The following GFRA1 variants were observed in gnomAD, a reference collection of about 807,000 sequenced individuals.
The protein encoded by GFRA1 is GDNF family receptor alpha-1.
A neutral mutation model predicts 51.6 loss-of-function variants in GFRA1; 16 were observed. The observed-to-expected ratio is 0.31, with a 90% CI of 0.21 to 0.47. The LOEUF (loss-of-function observed/expected upper bound fraction) is 0.47. Ranked by LOEUF, GFRA1 falls within the 20% of genes least tolerant of loss-of-function variation. The pLI is 1.00. For synonymous variants in GFRA1, 270 were observed against 241.3 expected, an observed-to-expected ratio of 1.12 and a Z score of -1.10; for missense variants, 530 against 594.3, an observed-to-expected ratio of 0.89 and a Z score of 1.13.
At chr10:116,091,688 G>A (rs926678152) in intron 8 of GFRA1, among the ~76,000 whole-genome samples, 2 of 152,162 alleles carry the variant, frequency 1.3e-5, no homozygotes, top group Non-Finnish European at 2.9e-5. Flanking sequence ...TAATCTGAAC[G>A]GAGCAGAATT....
At chr10:116,144,805 TATA>T (rs1958724398) in intron 5 of GFRA1, among the ~76,000 whole-genome samples, 2 of 152,122 alleles carry the variant, frequency 1.3e-5, no homozygotes, top group African/African-American at 4.8e-5. Context: ...AAACAAGACA[TATA>T]ATACCTCCAC....
chr10:116,183,423 G>C (rs1012066685), intron 5 of GFRA1, among the ~76,000 whole-genome samples: 1 of 152,132 alleles, frequency 6.6e-6, no homozygotes, highest in African/African-American at 2.4e-5. Flanking sequence ...CCATTCCATG[G>C]GGAATCTCAG....
intron 4 of GFRA1, among the ~76,000 whole-genome samples, chr10:116,216,057 C>T (rs1965540309): frequency 6.6e-6 from 1 of 152,080 alleles, no homozygotes; most frequent in African/African-American, 2.4e-5. Context: ...GATATTTGCC[C>T]CTTCCCCCAC....
At chr10:116,080,521 G>A (rs1378395098) in intron 9 of GFRA1, among the ~76,000 whole-genome samples, 1 of 152,150 alleles carries the variant, frequency 6.6e-6, no homozygotes, top group Non-Finnish European at 1.5e-5. Context: ...AATAAAAGAA[G>A]TTTCACGGTG....
intron 5 of GFRA1, among the ~76,000 whole-genome samples, chr10:116,128,190 A>G (rs942949656): frequency 6.6e-6 from 1 of 152,206 alleles, no homozygotes; most frequent in Non-Finnish European, 1.5e-5. Context: ...CAGCAAAATA[A>G]TATTATCTCT....
Position 116,064,148 on chromosome 10 carries a change from C to T in GFRA1, c.*250G>A, listed in dbSNP as rs921656639. The T allele has an allele frequency of 2.2e-6, 1 of 452,462 alleles. No homozygotes were observed. Among genetic ancestry groups the T allele is most frequent in the Admixed American group, 3.7e-5 (1 of 27,186 alleles). The allele number at this position is 452,462 out of a possible 1,614,324, so 28.0% of individuals were successfully genotyped here. ...TTTGCTTTACAGCCCAAGTTACAAA[C>T]TGTCCCTTTAAAATACAGCATATCC... On this transcript the variant is annotated 3_prime_UTR_variant, in exon 11 of 11. Transcript: ENST00000355422.
chr10:116,162,669 G>T (rs983752407), intron 5 of GFRA1, among the ~76,000 whole-genome samples: 4 of 152,244 alleles, frequency 2.6e-5, no homozygotes, highest in African/African-American at 9.6e-5. Flanking sequence ...TAACAGGATA[G>T]ACTTTTTAAA....
At chr10:116,193,465 A>G (rs2134335120) in intron 5 of GFRA1, among the ~76,000 whole-genome samples, 1 of 152,344 alleles carries the variant, frequency 6.6e-6, no homozygotes, top group East Asian at 1.9e-4. Context: ...AAAGGGTTTC[A>G]TCAAGTCCCA....
chr10:116,144,444 T>C (rs1958706815), intron 5 of GFRA1, among the ~76,000 whole-genome samples: 1 of 152,078 alleles, frequency 6.6e-6, no homozygotes, highest in Non-Finnish European at 1.5e-5. Flanking sequence ...CTGTGCTAGT[T>C]ACCTATGAGG....
chr10:116,109,364 T>C (rs1273865413), intron 6 of GFRA1, among the ~76,000 whole-genome samples: 1 of 152,178 alleles, frequency 6.6e-6, no homozygotes, highest in Non-Finnish European at 1.5e-5. Flanking sequence ...CTGATTTAGG[T>C]GGATATGTGA....
At chr10:116,195,510 A>C (rs1589861580) in intron 5 of GFRA1, among the ~76,000 whole-genome samples, 1 of 152,202 alleles carries the variant, frequency 6.6e-6, no homozygotes, top group East Asian at 1.9e-4. Context: ...TAGATTCCTC[A>C]CATGTGCAGT....
intron 5 of GFRA1, among the ~76,000 whole-genome samples, chr10:116,208,473 G>C (rs1028218788): frequency 6.6e-6 from 1 of 152,078 alleles, no homozygotes; most frequent in South Asian, 2.1e-4. Flanking sequence ...CTGTGTTTGA[G>C]GGGTATGGCA....
chr10:116,233,455 A>G (rs1414155277), intron 4 of GFRA1, among the ~76,000 whole-genome samples: 1 of 152,184 alleles, frequency 6.6e-6, no homozygotes, highest in Non-Finnish European at 1.5e-5. Flanking sequence ...AGCATCTCAG[A>G]GCAATCAAGT....
intron 9 of GFRA1, among the ~76,000 whole-genome samples, chr10:116,073,816 C>G (rs575923261): frequency 1.3e-5 from 2 of 152,018 alleles, no homozygotes; most frequent in Non-Finnish European, 1.5e-5. Context: ...AGTGCGGCCC[C>G]GTAATGGCTC....
chr10:116,163,402 T>C (rs192059361), intron 5 of GFRA1, among the ~76,000 whole-genome samples: 17 of 152,318 alleles, frequency 1.1e-4, no homozygotes, highest in African/African-American at 3.1e-4. Flanking sequence ...ACCCATTGAA[T>C]ATGTTGTTGG....
chr10:116,270,365 T>A (rs1843803491), intron 3 of GFRA1, among the ~76,000 whole-genome samples: 1 of 152,224 alleles, frequency 6.6e-6, no homozygotes, highest in African/African-American at 2.4e-5. Context: ...TGGATTCTCC[T>A]GGACCTTTTA....
chr10:116,141,792 C>T (rs760662611), intron 5 of GFRA1, among the ~76,000 whole-genome samples: 6 of 152,120 alleles, frequency 3.9e-5, no homozygotes, highest in Non-Finnish European at 8.8e-5. Context: ...CCAAGTTGTC[C>T]AGGCTGGTCT....
upstream of GFRA1, among the ~76,000 whole-genome samples, chr10:116,274,329 A>C (rs1445413876): frequency 1.3e-5 from 2 of 152,192 alleles, no homozygotes; most frequent in East Asian, 3.9e-4. Flanking sequence ...AGTTTGAATC[A>C]AATCTGCGTG....
At chr10:116,234,575 G>T (rs1218664340) in intron 4 of GFRA1, among the ~76,000 whole-genome samples, 1 of 152,190 alleles carries the variant, frequency 6.6e-6, no homozygotes, top group East Asian at 1.9e-4. Flanking sequence ...CCGTGGCCTT[G>T]GGCAGCACAT....
Sources: gnomAD v4.1 joint callset for allele counts (sites outside exome capture counted in the v4.1 genomes callset) on GRCh38, gnomAD v4.1.1 for gene constraint, MANE v1.5 for transcripts, NCBI Gene and HGNC (gene_info 2026-07-23, HGNC 2026-07-21) for gene names.